PRKN: variants seen among roughly 807,000 people sequenced by gnomAD.
PRKN encodes the protein parkin RBR E3 ubiquitin protein ligase, also known as E3 ubiquitin-protein ligase parkin.
PRKN carries 56 observed loss-of-function variants against 59.5 expected under a neutral mutation model. The ratio of observed to expected loss-of-function variants is 0.94; its 90% CI spans 0.76 to 1.18. The LOEUF (loss-of-function observed/expected upper bound fraction) is 1.18, where lower values mean the gene tolerates loss of function less well. PRKN is among the 50% of genes most tolerant of loss of function. The pLI is 0.00. For missense variants in PRKN, 657 were observed against 596.4 expected, an observed-to-expected ratio of 1.10 and a Z score of -1.06; for synonymous variants, 250 against 222.1, an observed-to-expected ratio of 1.13 and a Z score of -1.12.
chr6:162,687,639 T>A (rs1309126735), intron 1 of PRKN, among the ~76,000 whole-genome samples: 1 of 152,240 alleles, frequency 6.6e-6, no homozygotes, highest in Admixed American at 6.5e-5. Context: ...CTGTTGCTTA[T>A]GAGCAATCTA....
intron 6 of PRKN, among the ~76,000 whole-genome samples, chr6:161,794,430 G>A (rs984672379): frequency 3.9e-5 from 6 of 152,066 alleles, no homozygotes. Flanking sequence ...CACCGAGGCT[G>A]TCTCCATCCC....
At chr6:161,894,553 A>G (rs1338765889) in intron 6 of PRKN, among the ~76,000 whole-genome samples, 1 of 152,124 alleles carries the variant, frequency 6.6e-6, no homozygotes, top group Non-Finnish European at 1.5e-5. Context: ...ACCTTAATGT[A>G]TCTTAAATAC....
intron 10 of PRKN, among the ~76,000 whole-genome samples, chr6:161,382,120 A>G (rs1786018986): frequency 2.0e-5 from 3 of 150,084 alleles, no homozygotes; most frequent in Admixed American, 6.6e-5. Flanking sequence ...TCAAAAAAAA[A>G]AAAAAAAAAA....
chr6:161,822,686 C>T (rs975692142), intron 6 of PRKN, among the ~76,000 whole-genome samples: 1 of 152,014 alleles, frequency 6.6e-6, no homozygotes, highest in African/African-American at 2.4e-5. Context: ...AAAAAAAAGA[C>T]AAATGTTTTG....
In PRKN at chr6:161,395,871, C is replaced by T. The variant is rs575767284; in HGVS notation, c.1084-8994G>A. Among the ~76,000 whole-genome samples the T allele has an allele frequency of 5.3e-5, 8 of 152,294 alleles. No individual in the cohort carries two copies. In the South Asian group the frequency reaches 6.2e-4, roughly 12 times the overall value. ...CATTCTGATGGGCCTGAATCTGGCCCGCCTGCCAGGAAAGGACTTGTAATG... is the reference window on the plus strand; with the variant it reads ...CATTCTGATGGGCCTGAATCTGGCCTGCCTGCCAGGAAAGGACTTGTAATG... On this transcript the variant is annotated intron_variant, in intron 9 of 11. Transcript: ENST00000366898. The surrounding 1 kb of genome is among the most constrained non-coding windows in gnomAD (Gnocchi z 5.0).
chr6:162,710,880 G>C (rs1277790468), intron 1 of PRKN, among the ~76,000 whole-genome samples: 1 of 152,188 alleles, frequency 6.6e-6, no homozygotes, highest in Non-Finnish European at 1.5e-5. Context: ...GGCCTAAGAG[G>C]CCTTCCTGGT....
chr6:162,387,555 C>CAGAG (rs60548327), intron 2 of PRKN, among the ~76,000 whole-genome samples: 3,550 of 95,422 alleles, frequency 0.037, 147 homozygotes, highest in Non-Finnish European at 0.056. Flanking sequence ...CACACACACA[C>CAGAG]AGAGAGAGAG....
At chr6:161,426,362 C>T (rs557669739) in intron 9 of PRKN, among the ~76,000 whole-genome samples, 7 of 152,176 alleles carry the variant, frequency 4.6e-5, no homozygotes, top group South Asian at 2.1e-4. Context: ...AGTCAGTGGG[C>T]TGGGGAAGGC....
Position 162,323,332 on chromosome 6 carries a change from A to G in PRKN, c.172-60567T>C, listed in dbSNP as rs576126776. ...AAAAAACATAAGAGAAAATCTTTAT[A>G]ATCTTTGCTTAGACAAGAATTTCTT... On this transcript the variant is annotated intron_variant, in intron 2 of 11. Coordinates refer to ENST00000366898, the MANE Select transcript of PRKN (RefSeq NM_004562.3). 3.3e-5 allele frequency among the ~76,000 whole-genome samples: 5 copies of G among 152,152 alleles called. No individual in the cohort carries two copies. The East Asian group carries it at 7.7e-4, about 23-fold the overall frequency.
intron 3 of PRKN, among the ~76,000 whole-genome samples, chr6:162,221,680 T>C (rs1466253675): frequency 6.6e-6 from 1 of 152,112 alleles, no homozygotes; most frequent in Non-Finnish European, 1.5e-5. Flanking sequence ...AATAAGATGA[T>C]TGAAAAATGT....
intron 7 of PRKN, among the ~76,000 whole-genome samples, chr6:161,692,273 G>GA (rs1368864095): frequency 2.6e-5 from 4 of 151,384 alleles, no homozygotes; most frequent in African/African-American, 9.7e-5. Flanking sequence ...ATACCAAGAG[G>GA]AAAAAAAATA....
intron 6 of PRKN, among the ~76,000 whole-genome samples, chr6:161,922,395 C>A (rs1030061362): frequency 1.3e-5 from 2 of 152,120 alleles, no homozygotes; most frequent in African/African-American, 4.8e-5. Context: ...AAATGGATGT[C>A]TATCATTTCT....
chr6:162,385,231 C>T (rs1330040367), intron 2 of PRKN, among the ~76,000 whole-genome samples: 2 of 152,122 alleles, frequency 1.3e-5, no homozygotes, highest in Admixed American at 1.3e-4. Flanking sequence ...CCAATGGTAG[C>T]AGGTTTGCAT....
chr6:162,380,953 C>T (rs114411736), intron 2 of PRKN, among the ~76,000 whole-genome samples: 24 of 152,194 alleles, frequency 1.6e-4, no homozygotes, highest in African/African-American at 5.8e-4. Flanking sequence ...AGTCCAGCGA[C>T]CAGAGTGGCC....
chr6:162,181,802 G>A (rs1016512639), intron 4 of PRKN, among the ~76,000 whole-genome samples: 3 of 152,126 alleles, frequency 2.0e-5, no homozygotes, highest in African/African-American at 4.8e-5. Context: ...CAAGAGAAAA[G>A]TGCACAGACA....
chr6:161,777,431 C>G (rs1218668501), intron 7 of PRKN, among the ~76,000 whole-genome samples: 1 of 151,634 alleles, frequency 6.6e-6, no homozygotes, highest in Non-Finnish European at 1.5e-5. Flanking sequence ...CTGGCCATAC[C>G]TTGAAGAATG....
intron 6 of PRKN, among the ~76,000 whole-genome samples, chr6:161,945,465 C>T (rs1303867908): frequency 1.3e-5 from 2 of 152,194 alleles, no homozygotes; most frequent in Non-Finnish European, 2.9e-5. Context: ...GATTAATCTT[C>T]CTAAAGCCCC....
chr6:162,397,388 T>G (rs966576262), intron 2 of PRKN, among the ~76,000 whole-genome samples: 2 of 151,920 alleles, frequency 1.3e-5, no homozygotes, highest in Non-Finnish European at 2.9e-5. Flanking sequence ...TCCAACAATC[T>G]CTCTTTTTTT....
chr6:162,126,414 A>G (rs978921867), intron 4 of PRKN, among the ~76,000 whole-genome samples: 4 of 152,192 alleles, frequency 2.6e-5, no homozygotes, highest in Non-Finnish European at 5.9e-5. Context: ...AAACTGGCTT[A>G]ATTGGTTTCG....
Sources: gnomAD v4.1 joint callset for allele counts (sites outside exome capture counted in the v4.1 genomes callset) on GRCh38, gnomAD v4.1.1 for gene constraint, Gnocchi (gnomAD v3.1) non-coding constraint, MANE v1.5 for transcripts, NCBI Gene and HGNC (gene_info 2026-07-23, HGNC 2026-07-21) for gene names.